Variants in SECISBP2 observed in about 807,000 individuals in gnomAD.
SECISBP2 encodes the protein SECIS binding protein 2.
In SECISBP2, 96 loss-of-function variants were observed where a neutral mutation model predicts 98.2. That is an observed-to-expected ratio of 0.98 (90% CI 0.83 to 1.16). The LOEUF is 1.16. Among genes scored for constraint, SECISBP2 ranks in the 50% most tolerant of loss-of-function variants. The pLI is 0.00. For missense variants in SECISBP2, 1,046 were observed against 1,022.9 expected, an observed-to-expected ratio of 1.02 and a Z score of -0.31; for synonymous variants, 407 against 370.2, an observed-to-expected ratio of 1.10 and a Z score of -1.14.
At chr9:89,363,749 A>C (rs988155931), downstream of SECISBP2, 7 of 1,612,592 alleles carry the variant, frequency 4.3e-6, no homozygotes, top group Non-Finnish European at 5.1e-6. Flanking sequence ...ACCAGGTCTC[A>C]TCACAGCAAC....
chr9:89,362,135 C>G (rs1324355837), downstream of SECISBP2: 3 of 582,730 alleles, frequency 5.1e-6, no homozygotes, highest in African/African-American at 5.6e-5. Flanking sequence ...TCCTGGTTAC[C>G]TGCTTGTGCC....
intron 1 of SECISBP2, chr9:89,318,934 AACGGAT>A (rs1209193233): frequency 5.0e-6 from 6 of 1,200,034 alleles, no homozygotes; most frequent in African/African-American, 4.8e-5. Flanking sequence ...CGCTCTTGGG[AACGGAT>A]AGATTGTTTT....
At chr9:89,363,709 A>T (rs765291866), downstream of SECISBP2, 7 of 1,603,758 alleles carry the variant, frequency 4.4e-6, no homozygotes, top group Non-Finnish European at 8.5e-7. Flanking sequence ...TTACCTCATA[A>T]AAGGGTAACA....
intron 13 of SECISBP2, 118 bp downstream of exon 13, chr9:89,350,047 A>T: frequency 1.6e-6 from 2 of 1,248,702 alleles, no homozygotes; most frequent in Non-Finnish European, 2.3e-6. Flanking sequence ...TAAAAACCTC[A>T]TGGTTGAAAG....
intron 7 of SECISBP2, 35 bp downstream of exon 7, chr9:89,334,765 G>T: frequency 6.6e-7 from 1 of 1,504,336 alleles, no homozygotes; most frequent in Non-Finnish European, 9.2e-7. Context: ...TAGGATGGTG[G>T]TTGCCAGGGG....
Position 89,338,444 on chromosome 9 carries a change from A to G in SECISBP2, c.1090-14A>G. 6.2e-7 allele frequency: 1 copy of G among 1,612,472 alleles called. No individual in the cohort carries two copies. The highest frequency in any genetic ancestry group is 8.5e-7 in the Non-Finnish European group (1 of 1,179,630). ...CCTAAAAACAGGATTTTTTGCTTTG[A>G]TTTTCTGTTCTAGTCTAAAGCATCA... On this transcript the variant is annotated splice_polypyrimidine_tract_variant and intron_variant, in intron 7 of 16. Coordinates refer to ENST00000375807, the MANE Select transcript of SECISBP2 (RefSeq NM_024077.5).
downstream of SECISBP2, chr9:89,362,098 C>T (rs893215444): frequency 6.2e-5 from 34 of 551,440 alleles, no homozygotes; most frequent in Admixed American, 8.3e-4. Context: ...TTTTAGTTCA[C>T]GAGCAGCTAT....
rs964801252 is a variant in SECISBP2 at position 89,327,176 on chromosome 9, A to T, written c.574+1138A>T. Among the ~76,000 whole-genome samples, 4 of 152,098 alleles carry T rather than the reference A, an allele frequency of 2.6e-5. No homozygotes were observed. The South Asian group carries it at 8.3e-4, about 32-fold the overall frequency. On this transcript the variant is annotated intron_variant, in intron 4 of 16. Coordinates refer to ENST00000375807, the MANE Select transcript of SECISBP2 (RefSeq NM_024077.5). ...GAGACTCCGTCTCCAAAAAAAAAAA[A>T]AAGATATAAAATGTTTTACCCGTAT... is the stretch of plus-strand genomic sequence containing the variant.
chr9:89,364,063 TG>T (rs1833187258), downstream of SECISBP2: 1 of 1,593,968 alleles, frequency 6.3e-7, no homozygotes, highest in Non-Finnish European at 8.5e-7. Context: ...TGAAGTGACT[TG>T]GGACAACTTC....
chr9:89,356,539 G>A (rs1295739334), intron 14 of SECISBP2: 1 of 152,174 alleles, frequency 6.6e-6, no homozygotes, highest in African/African-American at 2.4e-5. Flanking sequence ...GCTCATTGCA[G>A]CCTTGAACTC....
chr9:89,351,481 A>G lies in SECISBP2; in HGVS notation c.2113+629A>G, dbSNP rs575350285. ...GAATTGAGCAATAGGAGAACTGATA[A>G]GAGCAGAGTGGCATTGCTCATGGAC... On this transcript the variant is annotated intron_variant, in intron 14 of 16. Coordinates refer to ENST00000375807, the MANE Select transcript of SECISBP2 (RefSeq NM_024077.5). Among the ~76,000 whole-genome samples, 3 of 152,258 alleles carry G rather than the reference A, an allele frequency of 2.0e-5. No homozygotes were observed. In the South Asian group the frequency reaches 6.2e-4, roughly 32 times the overall value.
At chr9:89,336,944 G>A (rs1046347679) in intron 7 of SECISBP2, among the ~76,000 whole-genome samples, 1 of 151,756 alleles carries the variant, frequency 6.6e-6, no homozygotes, top group Non-Finnish European at 1.5e-5. Context: ...GCTAATTTTT[G>A]TATTGTTTTA....
chr9:89,332,279 A>T (rs1246638855), intron 5 of SECISBP2, among the ~76,000 whole-genome samples: 1 of 152,182 alleles, frequency 6.6e-6, no homozygotes, highest in Admixed American at 6.5e-5. Flanking sequence ...CTTGTGCTAG[A>T]GTAATGCATT....
At chr9:89,360,305 G>A (rs994811924), downstream of SECISBP2, among the ~76,000 whole-genome samples, 1 of 152,168 alleles carries the variant, frequency 6.6e-6, no homozygotes, top group African/African-American at 2.4e-5. Context: ...CCCCTCATCA[G>A]TAAGTAAATA....
chr9:89,341,410 C>G lies in SECISBP2; in HGVS notation c.1366C>G (p.Leu456Val). 6.2e-7 allele frequency: 1 copy of G among 1,614,000 alleles called. No homozygotes were observed. ...AGTGCAGTTGGACTTGGGGGGCATGCTGACAGCCCTGGAGAAGAAGCAGCA... is the reference window on the plus strand; with the variant it reads ...AGTGCAGTTGGACTTGGGGGGCATGGTGACAGCCCTGGAGAAGAAGCAGCA... ...LPVQLDLGGM[L>V]TALEKKQHSQ... The change falls in exon 10 of 17, where the codon CTG (leucine) becomes GTG (valine). Residue 456 changes from leucine to valine, a missense_variant. By Grantham distance (32) the Leu-to-Val change is conservative. Coordinates refer to ENST00000375807, the MANE Select transcript of SECISBP2 (RefSeq NM_024077.5).
In SECISBP2 at chr9:89,328,763, G is replaced by A. The variant is rs1297613557; in HGVS notation, c.678G>A (p.Leu226=). 8 of 1,614,182 alleles carry A rather than the reference G, an allele frequency of 5.0e-6. No individual in the cohort carries two copies. Among genetic ancestry groups the A allele is most frequent in the Non-Finnish European group, 6.8e-6 (8 of 1,179,992 alleles). Residue 226 remains leucine, a synonymous_variant, in exon 5 of 17, where the codon CTG becomes CTA. Transcript: ENST00000375807. The part of the protein sequence containing the change: ...FEFTTLDFPE[L]QGAENNMSEI... ...TTACCACACTGGACTTTCCTGAACT[G>A]CAAGGTGCAGAGAACAATATGTCAG...
chr9:89,324,901 C>T (rs1477586030), intron 2 of SECISBP2: 1 of 159,738 alleles, frequency 6.3e-6, no homozygotes, highest in Non-Finnish European at 1.4e-5. Context: ...AAGCTGGTGT[C>T]CATCTGTTAG....
chr9:89,319,743 T>G lies in SECISBP2; in HGVS notation c.128T>G (p.Phe43Cys). 1 of 1,614,150 alleles carries G rather than the reference T, an allele frequency of 6.2e-7. No homozygotes were observed. The highest frequency in any genetic ancestry group is 1.3e-5 in the African/African-American group (1 of 75,030). ...AWLESSEACV[F>C]PSSAATYYPF... ...TTAGAGTCCTCAGAAGCATGTGTCTTCCCCAGCTCTGCAGCCACATACTAT... is the reference window on the plus strand; with the variant it reads ...TTAGAGTCCTCAGAAGCATGTGTCTGCCCCAGCTCTGCAGCCACATACTAT... Residue 43 changes from phenylalanine (F) to cysteine (C), a missense_variant, in exon 2 of 17, where the codon TTC (phenylalanine) becomes TGC (cysteine). By Grantham distance (205) the Phe-to-Cys change is radical. Transcript: ENST00000375807.
chr9:89,343,581 G>T (rs994689488), intron 10 of SECISBP2, among the ~76,000 whole-genome samples: 2 of 152,156 alleles, frequency 1.3e-5, no homozygotes, highest in African/African-American at 4.8e-5. Flanking sequence ...AATTATAAGT[G>T]AGAACATGTG....
Sources: allele counts gnomAD v4.1 joint callset (sites outside exome capture counted in the v4.1 genomes callset), GRCh38; gene constraint gnomAD v4.1.1; transcripts MANE v1.5; gene names NCBI Gene and HGNC (gene_info 2026-07-23, HGNC 2026-07-21).